The following CLVS1 variants were observed in gnomAD, a reference collection of about 807,000 sequenced individuals.
CLVS1 encodes the protein clavesin-1.
Under a neutral mutation model 33.1 loss-of-function variants are expected in CLVS1, and 10 were observed. The ratio of observed to expected loss-of-function variants is 0.30; its 90% CI spans 0.19 to 0.51. CLVS1 has a LOEUF of 0.51. Ranked by LOEUF, CLVS1 falls within the 20% of genes least tolerant of loss-of-function variation. CLVS1 has a pLI of 0.97. For missense variants in CLVS1, 343 were observed against 433.4 expected (o/e 0.79, Z 1.85); for synonymous variants, 163 against 166.1 (o/e 0.98, Z 0.14).
intron 3 of CLVS1, among the ~76,000 whole-genome samples, chr8:61,387,311 C>T (rs1814122662): frequency 1.3e-5 from 2 of 151,986 alleles, no homozygotes; most frequent in African/African-American, 2.4e-5. Flanking sequence ...TGCTTGAACC[C>T]GGGAGATGGT....
At chr8:61,077,880 G>T (rs1019382347) in intron 1 of CLVS1, among the ~76,000 whole-genome samples, 2 of 152,206 alleles carry the variant, frequency 1.3e-5, no homozygotes, top group Non-Finnish European at 2.9e-5. Flanking sequence ...TGCAAGCCTC[G>T]TGATGTGTGA....
chr8:61,486,967 A>C (rs1040250820), intron 5 of CLVS1, among the ~76,000 whole-genome samples: 2 of 152,268 alleles, frequency 1.3e-5, no homozygotes, highest in Non-Finnish European at 2.9e-5. Context: ...TTAAGATACT[A>C]TTCCAATTCA....
chr8:61,240,239 A>C (rs1808663991), intron 2 of CLVS1, among the ~76,000 whole-genome samples: 1 of 152,156 alleles, frequency 6.6e-6, no homozygotes, highest in South Asian at 2.1e-4. Flanking sequence ...ATGCATCACT[A>C]GACCTGGTCT....
intron 5 of CLVS1, among the ~76,000 whole-genome samples, chr8:61,494,325 G>A (rs1804197148): frequency 6.6e-6 from 1 of 152,056 alleles, no homozygotes; most frequent in Admixed American, 6.6e-5. Flanking sequence ...AGAGAGAATA[G>A]CAGGAAAACA....
At chr8:61,475,970 T>G (rs1242969688) in intron 5 of CLVS1, among the ~76,000 whole-genome samples, 2 of 152,214 alleles carry the variant, frequency 1.3e-5, no homozygotes, top group Non-Finnish European at 2.9e-5. Flanking sequence ...AATTAATTTT[T>G]GTATAAGGTG....
intron 5 of CLVS1, among the ~76,000 whole-genome samples, chr8:61,479,856 C>CCCCACCCAGA (rs1563572668): frequency 1.3e-5 from 2 of 152,142 alleles, no homozygotes; most frequent in African/African-American, 4.8e-5. Flanking sequence ...CACTCCAGAC[C>CCCCACCCAGA]CTGTTTGCCT....
At chr8:61,373,249 C>T (rs928622127) in intron 2 of CLVS1, among the ~76,000 whole-genome samples, 37 of 152,234 alleles carry the variant, frequency 2.4e-4, no homozygotes, top group African/African-American at 8.9e-4. Flanking sequence ...GGCTTACACT[C>T]CTCCACACTG....
chr8:61,487,915 T>C (rs905345171), intron 5 of CLVS1, among the ~76,000 whole-genome samples: 1 of 152,224 alleles, frequency 6.6e-6, no homozygotes, highest in Non-Finnish European at 1.5e-5. Flanking sequence ...TTTTTCTACC[T>C]GCTTCAGAAC....
intron 3 of CLVS1, among the ~76,000 whole-genome samples, chr8:61,412,512 G>A (rs1465804142): frequency 6.6e-6 from 1 of 152,182 alleles, no homozygotes; most frequent in South Asian, 2.1e-4. Flanking sequence ...TATAAGAAGG[G>A]ATTACTGGTA....
intron 1 of CLVS1, among the ~76,000 whole-genome samples, chr8:61,059,483 T>C (rs553548002): frequency 4.2e-4 from 39 of 92,704 alleles, no homozygotes; most frequent in East Asian, 1.3e-3. Flanking sequence ...TACATATATA[T>C]ATATATATAT....
chr8:61,343,526 G>T (rs763503793), intron 2 of CLVS1, among the ~76,000 whole-genome samples: 7 of 152,192 alleles, frequency 4.6e-5, no homozygotes, highest in African/African-American at 1.7e-4. Context: ...CAATGTACTT[G>T]TACTACATAA....
chr8:61,095,679 A>G (rs1400121648), intron 1 of CLVS1, among the ~76,000 whole-genome samples: 2 of 152,168 alleles, frequency 1.3e-5, no homozygotes, highest in African/African-American at 4.8e-5. Context: ...TTTCTGGTCT[A>G]TGGTAGGGTT....
chr8:61,037,663 A>G, the CLVS1 span, among the ~76,000 whole-genome samples: 4 of 152,228 alleles, frequency 2.6e-5, no homozygotes, highest in African/African-American at 9.6e-5. Context: ...ACACTTGCTT[A>G]ACAGTAGGTA....
At chr8:61,355,573 C>A (rs998549302) in intron 2 of CLVS1, among the ~76,000 whole-genome samples, 1 of 152,126 alleles carries the variant, frequency 6.6e-6, no homozygotes, top group Non-Finnish European at 1.5e-5. Context: ...TCTTCCCCCA[C>A]CCCACAACAG....
At chr8:61,339,871 TAGAG>T (rs1216958979) in intron 2 of CLVS1, among the ~76,000 whole-genome samples, 2 of 85,780 alleles carry the variant, frequency 2.3e-5, no homozygotes, top group African/African-American at 4.7e-5. Context: ...AAAAAAGAAA[TAGAG>T]AAAGAGAAGG....
intron 2 of CLVS1, among the ~76,000 whole-genome samples, chr8:61,193,820 G>C (rs902518867): frequency 6.6e-6 from 1 of 152,006 alleles, no homozygotes; most frequent in African/African-American, 2.4e-5. Context: ...GAAAGGCTTA[G>C]GAAGTGTTAA....
intron 1 of CLVS1, among the ~76,000 whole-genome samples, chr8:61,121,236 T>G (rs193045597): frequency 5.3e-5 from 8 of 151,980 alleles, no homozygotes; most frequent in African/African-American, 1.2e-4. Context: ...TTCGGCTCGC[T>G]CACGGTGCGC....
chr8:61,399,647 C>G (rs1814672181), intron 3 of CLVS1, among the ~76,000 whole-genome samples: 1 of 152,128 alleles, frequency 6.6e-6, no homozygotes, highest in South Asian at 2.1e-4. Flanking sequence ...ATATTTTCTT[C>G]TAGGGTTTTT....
At chr8:61,334,279 A>G (rs1811704477) in intron 2 of CLVS1, among the ~76,000 whole-genome samples, 1 of 152,238 alleles carries the variant, frequency 6.6e-6, no homozygotes, top group Non-Finnish European at 1.5e-5. Flanking sequence ...ACTCTTAAAC[A>G]AATTTGGTTA....
Sources: gnomAD v4.1 joint callset for allele counts (sites outside exome capture counted in the v4.1 genomes callset) on GRCh38, gnomAD v4.1.1 for gene constraint, MANE v1.5 for transcripts, NCBI Gene and HGNC (gene_info 2026-07-23, HGNC 2026-07-21) for gene names.